CDH4: variants seen among roughly 807,000 people sequenced by gnomAD.
CDH4 encodes cadherin-4.
A neutral mutation model predicts 86.0 loss-of-function variants in CDH4; 33 were observed. The observed-to-expected ratio is 0.38, with a 90% CI of 0.29 to 0.51. CDH4 has a LOEUF of 0.51. Among genes scored for constraint, CDH4 ranks in the 20% least tolerant of loss-of-function variants. The pLI is 0.86. For missense variants in CDH4, 1,114 were observed against 1,307.4 expected, an observed-to-expected ratio of 0.85 and a Z score of 2.28; for synonymous variants, 555 against 549.4, an observed-to-expected ratio of 1.01 and a Z score of -0.14.
chr20:61,893,171 TTGGG>T (rs1185079690), intron 7 of CDH4, among the ~76,000 whole-genome samples: 1 of 27,652 alleles, frequency 3.6e-5, no homozygotes. Context: ...GGGATGGTGG[TTGGG>T]TGGGTGGGTG....
rs558096501 is a variant in CDH4, at chr20:61,641,666, G to A, written c.170-101897G>A. On this transcript the variant is annotated intron_variant, in intron 2 of 15. Coordinates refer to ENST00000614565, the MANE Select transcript of CDH4 (RefSeq NM_001794.5). ...CAGCACCCAGGACACCTACAGCTTT[G>A]GGATCAGATGGGGCTGCCTGACCCA... is the stretch of plus-strand genomic sequence containing the variant. 9.9e-5 allele frequency among the ~76,000 whole-genome samples: 12 copies of A among 120,886 alleles called. No homozygotes were observed. In the South Asian group the frequency reaches 3.7e-3, roughly 37 times the overall value. The allele number at this position is 120,886 out of a possible 152,430, so 79.3% of individuals were successfully genotyped here. A position where few individuals can be genotyped will look rare whatever the true frequency, so the allele number is the denominator to read the frequency against.
At chr20:61,667,771 T>C (rs1329918390) in intron 2 of CDH4, among the ~76,000 whole-genome samples, 1 of 152,208 alleles carries the variant, frequency 6.6e-6, no homozygotes, top group Admixed American at 6.5e-5. Flanking sequence ...ACCTTGCTGC[T>C]GGGTCCTCGG....
At chr20:61,458,931 C>T (rs924650276) in intron 2 of CDH4, among the ~76,000 whole-genome samples, 11 of 151,682 alleles carry the variant, frequency 7.3e-5, no homozygotes, top group Non-Finnish European at 1.3e-4. Flanking sequence ...GTTCTTCCTA[C>T]ATCTGAGCTT....
chr20:61,823,120 T>C (rs1381401718), intron 4 of CDH4, among the ~76,000 whole-genome samples: 1 of 151,938 alleles, frequency 6.6e-6, no homozygotes, highest in Non-Finnish European at 1.5e-5. Flanking sequence ...AGGCTGGCCT[T>C]TTCTTTCTAT....
chr20:61,629,404 T>A (rs371997226), intron 2 of CDH4, among the ~76,000 whole-genome samples: 2 of 149,630 alleles, frequency 1.3e-5, no homozygotes, highest in South Asian at 2.1e-4. Flanking sequence ...AAAAAAAAAA[T>A]AATTAAGAGC....
chr20:61,802,601 C>G (rs556549602), intron 4 of CDH4, among the ~76,000 whole-genome samples: 1 of 152,238 alleles, frequency 6.6e-6, no homozygotes, highest in Admixed American at 6.5e-5. Context: ...CGGGAGTCCA[C>G]GCGTGGGTTT....
At chr20:61,524,561 T>A (rs1282661134) in intron 2 of CDH4, among the ~76,000 whole-genome samples, 1 of 152,036 alleles carries the variant, frequency 6.6e-6, no homozygotes, top group Non-Finnish European at 1.5e-5. Flanking sequence ...CTCAGCTCAC[T>A]GCAGCCTCAA....
At chr20:61,320,218 G>A (rs764670426) in intron 2 of CDH4, among the ~76,000 whole-genome samples, 9 of 152,178 alleles carry the variant, frequency 5.9e-5, no homozygotes, top group Non-Finnish European at 8.8e-5. Flanking sequence ...TTCCCAAGGC[G>A]TCTTATGCAT....
At position 61,499,310 on chromosome 20, in the gene CDH4, C is replaced by T; in HGVS notation, c.170-244253C>T. The T allele has an allele frequency of 6.5e-6, 3 of 463,210 alleles. 1 individual carries two copies. The highest frequency in any genetic ancestry group is 5.5e-5 in the South Asian group (3 of 54,638). 28.7% of individuals were successfully genotyped at this position (463,210 alleles called of 1,614,324 possible). A position where few individuals can be genotyped will look rare whatever the true frequency, so the allele number is the denominator to read the frequency against. On this transcript the variant is annotated intron_variant, in intron 2 of 15. Transcript: ENST00000614565. Reference sequence around the variant, plus strand: ...GGACCTTCATGCTGCTCACTCTGGCCAGGTACTTTCATCCCCTATGCCTCA... The same window carrying T: ...GGACCTTCATGCTGCTCACTCTGGCTAGGTACTTTCATCCCCTATGCCTCA...
rs757908734 is a variant in CDH4 at position 61,879,148 on chromosome 20, C to G, written c.1050+5248C>G. On this transcript the variant is annotated intron_variant, in intron 7 of 15. Transcript: ENST00000614565. This position sits in a 1 kb window ranked among gnomAD's most constrained non-coding sequence, Gnocchi z 4.1. Reference sequence around the variant, plus strand: ...CACTGACAGCAGTGTAGACGCCAAGCGAGCACCAGTTCAGCTCCCCCGGGA... The same window carrying G: ...CACTGACAGCAGTGTAGACGCCAAGGGAGCACCAGTTCAGCTCCCCCGGGA... Among the ~76,000 whole-genome samples the G allele has an allele frequency of 2.0e-5, 3 of 152,202 alleles. No homozygotes were observed. The highest frequency in any genetic ancestry group is 4.4e-5 in the Non-Finnish European group (3 of 68,036).
At chr20:61,434,564 G>T (rs767138610) in intron 2 of CDH4, 1 of 152,194 alleles carries the variant, frequency 6.6e-6, no homozygotes, top group Non-Finnish European at 1.5e-5. Context: ...GAAGTATGAG[G>T]GGCTGCAGAG....
chr20:61,603,642 C>T (rs985060192), intron 2 of CDH4, among the ~76,000 whole-genome samples: 1 of 152,174 alleles, frequency 6.6e-6, no homozygotes, highest in African/African-American at 2.4e-5. Flanking sequence ...CCCGTCTGCC[C>T]AGGGCAGGCT....
intron 2 of CDH4, chr20:61,570,638 T>G (rs2086334883): frequency 1.4e-6 from 1 of 702,220 alleles, no homozygotes; most frequent in Non-Finnish European, 2.6e-6. Context: ...CAGACAATTT[T>G]GTTTTTCACA....
chr20:61,798,478 A>G (rs1979663655), intron 4 of CDH4, among the ~76,000 whole-genome samples: 1 of 152,188 alleles, frequency 6.6e-6, no homozygotes, highest in Admixed American at 6.5e-5. Context: ...CCCGGGGTGC[A>G]TCGCGCTGAT....
chr20:61,848,812 A>G (rs1982582194), intron 5 of CDH4, among the ~76,000 whole-genome samples: 1 of 151,956 alleles, frequency 6.6e-6, no homozygotes, highest in African/African-American at 2.4e-5. Flanking sequence ...ACAGGTGTAA[A>G]CCACTGCACC....
At chr20:61,309,673 A>G (rs982565094) in intron 2 of CDH4, among the ~76,000 whole-genome samples, 5 of 152,226 alleles carry the variant, frequency 3.3e-5, no homozygotes, top group African/African-American at 1.2e-4. Flanking sequence ...AGGGAAATGC[A>G]TGAACTTAAT....
At chr20:61,558,673 G>T (rs2086194525) in intron 2 of CDH4, among the ~76,000 whole-genome samples, 1 of 152,258 alleles carries the variant, frequency 6.6e-6, no homozygotes, top group Admixed American at 6.5e-5. Context: ...AAGAGCACAA[G>T]AAAATGGTCC....
At chr20:61,571,343 G>T (rs1048772563) in intron 2 of CDH4, among the ~76,000 whole-genome samples, 3 of 152,158 alleles carry the variant, frequency 2.0e-5, no homozygotes, top group Admixed American at 6.5e-5. Context: ...AGAAGGACTC[G>T]CCATGAGCCG....
At chr20:61,455,657 C>T (rs898452915) in intron 2 of CDH4, among the ~76,000 whole-genome samples, 4 of 152,182 alleles carry the variant, frequency 2.6e-5, no homozygotes, top group African/African-American at 7.2e-5. Context: ...GCATTCACTG[C>T]CCCGGCCTGT....
Sources: allele counts gnomAD v4.1 joint callset (sites outside exome capture counted in the v4.1 genomes callset), GRCh38; gene constraint gnomAD v4.1.1; non-coding constraint Gnocchi (gnomAD v3.1); transcripts MANE v1.5; gene names NCBI Gene and HGNC (gene_info 2026-07-23, HGNC 2026-07-21).